Variants in SLC24A2 observed in about 807,000 individuals in gnomAD.
SLC24A2 encodes the protein sodium/potassium/calcium exchanger 2.
A neutral mutation model predicts 62.0 loss-of-function variants in SLC24A2; 36 were observed. The observed-to-expected ratio is 0.58, with a 90% confidence interval of 0.44 to 0.77. SLC24A2 has a LOEUF of 0.77. Ranked by LOEUF, SLC24A2 falls within the 30% of genes least tolerant of loss-of-function variation. The pLI, the probability that SLC24A2 is intolerant of heterozygous loss-of-function variation, is 0.00. For missense variants in SLC24A2, 846 were observed against 817.9 expected (o/e 1.03, Z -0.42); for synonymous variants, 358 against 294.0 (o/e 1.22, Z -2.23).
chr9:20,139,942 A>G, the SLC24A2 span, among the ~76,000 whole-genome samples: 3 of 152,234 alleles, frequency 2.0e-5, no homozygotes, highest in African/African-American at 7.2e-5. Flanking sequence ...TTTTGCATGG[A>G]AACAGCCCGT....
intron 2 of SLC24A2, among the ~76,000 whole-genome samples, chr9:19,646,226 T>A (rs1326501509): frequency 2.0e-5 from 3 of 152,210 alleles, no homozygotes; most frequent in Non-Finnish European, 4.4e-5. Flanking sequence ...CTTAGATGCT[T>A]CTTTTCCTCA....
intron 10 of SLC24A2, among the ~76,000 whole-genome samples, chr9:19,518,420 CTTTTCTTTTTTTTTTT>C (rs1300268003): frequency 6.7e-6 from 1 of 149,242 alleles, no homozygotes; most frequent in African/African-American, 2.5e-5. Context: ...TTTTTCTTTT[CTTTTCTTTTTTTTTTT>C]TTTGAGATGG....
chr9:19,967,428 T>G, the SLC24A2 span: 1 of 152,252 alleles, frequency 6.6e-6, no homozygotes, highest in African/African-American at 2.4e-5. Flanking sequence ...CCAGTGCTCT[T>G]TAGTCAGAAT....
the SLC24A2 span, among the ~76,000 whole-genome samples, chr9:19,855,217 C>T: frequency 3.3e-5 from 5 of 152,122 alleles, no homozygotes; most frequent in Non-Finnish European, 7.4e-5. Context: ...GAATACAGCG[C>T]ACTGATGGGT....
rs1469818695 is a variant in SLC24A2 at position 19,513,168 on chromosome 9, ATATATATG to A, written c.*2977_*2984del. 143 of 60,178 alleles carry A rather than the reference ATATATATG, an allele frequency of 2.4e-3. 1 individual carries two copies. Among genetic ancestry groups the A allele is most frequent in the East Asian group, 0.016 (30 of 1,826 alleles). 3.7% of individuals were successfully genotyped at this position (60,178 alleles called of 1,614,324 possible). ...CTGGTATAAAGATATATATATATAT[ATATATATG>A]TATATATATATATATGTATATATTT... is the stretch of plus-strand genomic sequence containing the variant. On this transcript the variant is annotated 3_prime_UTR_variant, in exon 11 of 11. Coordinates refer to ENST00000341998, the MANE Select transcript of SLC24A2 (RefSeq NM_020344.4).
chr9:19,588,602 T>C (rs1836445934), intron 5 of SLC24A2, among the ~76,000 whole-genome samples: 1 of 152,088 alleles, frequency 6.6e-6, no homozygotes, highest in Non-Finnish European at 1.5e-5. Context: ...AGTTGTTATA[T>C]TACAAAGGCT....
chr9:19,687,078 T>C (rs1279322191), intron 2 of SLC24A2, among the ~76,000 whole-genome samples: 1 of 151,942 alleles, frequency 6.6e-6, no homozygotes, highest in African/African-American at 2.4e-5. Flanking sequence ...AGCTAAACAT[T>C]GAGTACACAT....
chr9:19,953,833 G>C, the SLC24A2 span, among the ~76,000 whole-genome samples: 1 of 151,614 alleles, frequency 6.6e-6, no homozygotes, highest in South Asian at 2.1e-4. Context: ...TTTTTTCATG[G>C]CAACTGCTAA....
At chr9:19,726,172 G>C (rs566232092) in intron 2 of SLC24A2, among the ~76,000 whole-genome samples, 7 of 152,134 alleles carry the variant, frequency 4.6e-5, no homozygotes, top group African/African-American at 1.4e-4. Context: ...AGTCTCCCTG[G>C]AGTCACCTCT....
chr9:19,968,539 T>C, the SLC24A2 span, among the ~76,000 whole-genome samples: 1 of 152,210 alleles, frequency 6.6e-6, no homozygotes, highest in African/African-American at 2.4e-5. Flanking sequence ...TATTTCATAC[T>C]AACTTTGTTT....
At chr9:19,727,360 T>A (rs1821201365) in intron 2 of SLC24A2, among the ~76,000 whole-genome samples, 1 of 152,216 alleles carries the variant, frequency 6.6e-6, no homozygotes. Flanking sequence ...TACATCACAT[T>A]AAGCCGGTGA....
rs902317548 is a variant in SLC24A2 at position 19,546,378 on chromosome 9, C to T, written c.1479+3759G>A. Among the ~76,000 whole-genome samples the T allele has an allele frequency of 6.6e-5, 10 of 152,126 alleles. No homozygotes were observed. The East Asian group carries it at 1.5e-3, about 24-fold the overall frequency. ...GTACTGCCTTTTTTTTTCAGTGATG[C>T]CCTTGCCAGAGAGGAGGAATCTATA... On this transcript the variant is annotated intron_variant, in intron 8 of 10. Coordinates refer to ENST00000341998, the MANE Select transcript of SLC24A2 (RefSeq NM_020344.4).
chr9:20,184,104 A>G, the SLC24A2 span, among the ~76,000 whole-genome samples: 12 of 152,264 alleles, frequency 7.9e-5, no homozygotes, highest in Middle Eastern at 3.2e-3. Flanking sequence ...AAAATGGGCA[A>G]AGAACCTGAA....
the SLC24A2 span, among the ~76,000 whole-genome samples, chr9:20,239,896 C>CTT: frequency 6.9e-6 from 1 of 145,626 alleles, no homozygotes. Context: ...TTTTTTGTCA[C>CTT]GGAGTTGATT....
the SLC24A2 span, among the ~76,000 whole-genome samples, chr9:20,226,131 T>G: frequency 3.9e-5 from 6 of 152,148 alleles, no homozygotes; most frequent in Non-Finnish European, 8.8e-5. Context: ...AGCTGTGGGT[T>G]GTTTCTTTTT....
Position 19,519,349 on chromosome 9 carries a change from T to TTGTGTGTGTGTG in SLC24A2, c.1736+1533_1736+1544dup, listed in dbSNP as rs10640008. 5.4e-5 allele frequency among the ~76,000 whole-genome samples: 8 copies of TTGTGTGTGTGTG among 147,680 alleles called. No homozygotes were observed. The East Asian group carries it at 7.9e-4, about 15-fold the overall frequency. On this transcript the variant is annotated intron_variant, in intron 10 of 10. Transcript: ENST00000341998. ...AGTGATTTTTTTTCTTTAAACTTCC[T>TTGTGTGTGTGTG]TGTGTGTGTGTGTGTGTGTGTGTGT...
the SLC24A2 span, among the ~76,000 whole-genome samples, chr9:20,190,237 G>C: frequency 6.6e-6 from 1 of 152,144 alleles, no homozygotes; most frequent in Admixed American, 6.5e-5. Context: ...ACTATGCTTG[G>C]AAGGGACTAT....
chr9:20,036,078 T>C, the SLC24A2 span, among the ~76,000 whole-genome samples: 1 of 152,164 alleles, frequency 6.6e-6, no homozygotes, highest in Non-Finnish European at 1.5e-5. Flanking sequence ...AATTGAGTGA[T>C]TCTCTCTGAG....
At chr9:20,188,620 G>C in the SLC24A2 span, among the ~76,000 whole-genome samples, 1 of 152,146 alleles carries the variant, frequency 6.6e-6, no homozygotes, top group Non-Finnish European at 1.5e-5. Flanking sequence ...GCTTGATGTA[G>C]TCACAGTGGT....
Sources: allele counts gnomAD v4.1 joint callset (sites outside exome capture counted in the v4.1 genomes callset), GRCh38; gene constraint gnomAD v4.1.1; transcripts MANE v1.5; gene names NCBI Gene and HGNC (gene_info 2026-07-23, HGNC 2026-07-21).